Variants in NUP210L observed in about 807,000 individuals in gnomAD.
NUP210L encodes the protein nuclear pore membrane glycoprotein 210-like.
A neutral mutation model predicts 208.5 loss-of-function variants in NUP210L; 74 were observed. The observed-to-expected ratio is 0.35, with a 90% CI of 0.29 to 0.43. The LOEUF (loss-of-function observed/expected upper bound fraction) is 0.43, where lower values mean the gene tolerates loss of function less well. Ranked by LOEUF, NUP210L falls within the 20% of genes least tolerant of loss-of-function variation. NUP210L has a pLI of 1.00. For missense variants in NUP210L, 1,843 were observed against 2,289.4 expected (o/e 0.81, Z 3.98); for synonymous variants, 780 against 816.9 (o/e 0.95, Z 0.77).
chr1:154,053,576 C>T (rs1653645293), intron 25 of NUP210L, among the ~76,000 whole-genome samples: 2 of 152,270 alleles, frequency 1.3e-5, no homozygotes, highest in South Asian at 4.1e-4. Context: ...CCTGGCCCAC[C>T]CAGGGCGGAA....
At chr1:153,995,040 T>C (rs371485184) in intron 38 of NUP210L, 36 bp downstream of exon 38, 6 of 1,307,934 alleles carry the variant, frequency 4.6e-6, no homozygotes, top group Non-Finnish European at 5.4e-6. Flanking sequence ...GCAGTTTTCA[T>C]GTCAAAGTCT....
At chr1:154,073,814 C>CAATAAATA (rs3073948) in intron 16 of NUP210L, among the ~76,000 whole-genome samples, 2,312 of 131,036 alleles carry the variant, frequency 0.018, 25 homozygotes, top group Middle Eastern at 0.031. Context: ...GACTCTGTCT[C>CAATAAATA]AATAAATAAA....
At chr1:154,031,110 A>G (rs1652188828) in intron 27 of NUP210L, among the ~76,000 whole-genome samples, 1 of 152,018 alleles carries the variant, frequency 6.6e-6, no homozygotes, top group Admixed American at 6.6e-5. Context: ...TTATTTTGAG[A>G]TGGAGTCTTG....
At chr1:154,027,097 CA>C (rs770084247) in intron 29 of NUP210L, among the ~76,000 whole-genome samples, 18,964 of 108,576 alleles carry the variant, frequency 0.17, 1,368 homozygotes, top group East Asian at 0.44. Context: ...AAAAAAAAAA[CA>C]AAAAAAAAAA....
chr1:154,073,730 GC>G lies in NUP210L; in HGVS notation c.2362-3266del, dbSNP rs534247034. On this transcript the variant is annotated intron_variant, in intron 16 of 39. Coordinates refer to ENST00000368559, the Ensembl canonical transcript of NUP210L. ...CTCAGGAGGCTGAGGCACGAGAATC[GC>G]TTGAACCTGGGAGGTGGGGGTTGCA... 1.9e-3 allele frequency among the ~76,000 whole-genome samples: 295 copies of G among 151,702 alleles called. 3 individuals carry two copies. The highest frequency in any genetic ancestry group is 6.9e-3 in the African/African-American group (284 of 41,318).
chr1:154,071,880 C>T (rs1193755348), intron 16 of NUP210L, among the ~76,000 whole-genome samples: 1 of 151,958 alleles, frequency 6.6e-6, no homozygotes, highest in Non-Finnish European at 1.5e-5. Flanking sequence ...TCGTGATCTG[C>T]CCACCTCGGC....
chr1:154,130,374 G>C (rs1658183205), intron 7 of NUP210L, among the ~76,000 whole-genome samples: 1 of 151,700 alleles, frequency 6.6e-6, no homozygotes, highest in Non-Finnish European at 1.5e-5. Context: ...CCATGTTCAA[G>C]CGATTCTTCT....
exon 36 of NUP210L, chr1:154,001,979 T>G (rs1404359073): frequency 6.2e-7 from 1 of 1,612,832 alleles, no homozygotes; most frequent in African/African-American, 1.3e-5. Flanking sequence ...TATGCAGACA[T>G]AAACCCCTGG....
At chr1:154,012,860 G>C (rs932304758) in intron 33 of NUP210L, among the ~76,000 whole-genome samples, 2 of 151,828 alleles carry the variant, frequency 1.3e-5, no homozygotes, top group Non-Finnish European at 2.9e-5. Flanking sequence ...CACAAAATTA[G>C]CCGGGCTTGG....
At chr1:154,011,062 C>T (rs1330514726) in intron 34 of NUP210L, among the ~76,000 whole-genome samples, 1 of 151,908 alleles carries the variant, frequency 6.6e-6, no homozygotes, top group Non-Finnish European at 1.5e-5. Flanking sequence ...AAGAAGTGGA[C>T]TGTTGTTATC....
chr1:154,100,144 C>T lies in NUP210L; in HGVS notation c.1820-1G>A. On this transcript the variant is annotated splice_acceptor_variant, in intron 13 of 39. Coordinates refer to ENST00000368559, the Ensembl canonical transcript of NUP210L. LOFTEE classifies it high-confidence loss of function. Reference sequence around the variant, plus strand: ...TGCATTGGTCCAGGTCTTTGAATACCTGTGAATCAAAAACCATGATTTTGG... The same window carrying T: ...TGCATTGGTCCAGGTCTTTGAATACTTGTGAATCAAAAACCATGATTTTGG... 6.2e-7 allele frequency: 1 copy of T among 1,613,812 alleles called. No individual in the cohort carries two copies.
chr1:154,039,524 C>T (rs1372684472), intron 27 of NUP210L, among the ~76,000 whole-genome samples: 1 of 152,132 alleles, frequency 6.6e-6, no homozygotes, highest in Non-Finnish European at 1.5e-5. Flanking sequence ...GCGTGAGCCA[C>T]CGCACCTGGC....
intron 32 of NUP210L, among the ~76,000 whole-genome samples, chr1:154,019,950 A>C (rs1048479289): frequency 5.3e-4 from 80 of 152,200 alleles, no homozygotes; most frequent in Admixed American, 4.2e-3. Flanking sequence ...AACAAACAAA[A>C]AAAGAGAGGG....
chr1:154,106,799 C>G (rs920108840), intron 12 of NUP210L, among the ~76,000 whole-genome samples: 1 of 152,248 alleles, frequency 6.6e-6, no homozygotes, highest in Non-Finnish European at 1.5e-5. Context: ...CACAGCTTTA[C>G]TGGGCTTGGG....
At chr1:154,090,498 T>C (rs114960108) in intron 15 of NUP210L, among the ~76,000 whole-genome samples, 1,998 of 152,198 alleles carry the variant, frequency 0.013, 42 homozygotes, top group African/African-American at 0.044. Flanking sequence ...TCATACTCAA[T>C]AGTAAAAGAC....
At chr1:154,016,172 C>T (rs1571171143) in intron 33 of NUP210L, among the ~76,000 whole-genome samples, 2 of 151,692 alleles carry the variant, frequency 1.3e-5, no homozygotes, top group Non-Finnish European at 2.9e-5. Context: ...AGGAGGATGG[C>T]TTGAAACCAG....
intron 14 of NUP210L, among the ~76,000 whole-genome samples, chr1:154,096,080 T>C (rs1415571713): frequency 1.3e-5 from 2 of 152,184 alleles, no homozygotes; most frequent in African/African-American, 2.4e-5. Context: ...TTTCTCCTAA[T>C]GCTATCCATT....
chr1:154,143,653 G>T, intron 2 of NUP210L, 76 bp from the exon 3 acceptor site: 1 of 1,234,154 alleles, frequency 8.1e-7, no homozygotes, highest in Non-Finnish European at 1.1e-6. Flanking sequence ...ACTCAAAACT[G>T]TATTCTAAAG....
chr1:153,992,819 C>T, exon 40 of NUP210L: 1 of 1,545,140 alleles, frequency 6.5e-7, no homozygotes, highest in Non-Finnish European at 8.8e-7. Context: ...TTAAGAGAAA[C>T]TTGTCCAAGC....
Sources: gnomAD v4.1 joint callset for allele counts (sites outside exome capture counted in the v4.1 genomes callset) on GRCh38, gnomAD v4.1.1 for gene constraint, MANE v1.5 for transcripts, NCBI Gene and HGNC (gene_info 2026-07-23, HGNC 2026-07-21) for gene names.